The following RUFY2 variants were observed in gnomAD, a reference collection of about 807,000 sequenced individuals.
RUFY2 encodes the protein RUN and FYVE domain-containing protein 2.
RUFY2 carries 49 observed loss-of-function variants against 94.4 expected under a neutral mutation model. The observed-to-expected ratio is 0.52, with a 90% CI of 0.41 to 0.66. The LOEUF (loss-of-function observed/expected upper bound fraction) is 0.66. Ranked by LOEUF, RUFY2 falls within the 30% of genes least tolerant of loss-of-function variation. RUFY2 has a pLI of 0.00. For synonymous variants in RUFY2, 255 were observed against 235.7 expected (o/e 1.08, Z -0.75); for missense variants, 541 against 692.8 (o/e 0.78, Z 2.46).
chr10:68,349,319 C>T (rs2046494052), intron 16 of RUFY2, among the ~76,000 whole-genome samples: 1 of 151,906 alleles, frequency 6.6e-6, no homozygotes, highest in African/African-American at 2.4e-5. Flanking sequence ...AGTTTGAGAC[C>T]AGCCTGGGCA....
chr10:68,404,072 A>C (rs1452466940), intron 2 of RUFY2, among the ~76,000 whole-genome samples: 1 of 152,194 alleles, frequency 6.6e-6, no homozygotes, highest in African/African-American at 2.4e-5. Context: ...AGAGGCCAAA[A>C]CTGTGAACAG....
downstream of RUFY2, chr10:68,342,314 A>C (rs2046014817): frequency 2.9e-6 from 1 of 350,620 alleles, no homozygotes; most frequent in Admixed American, 4.3e-5. Context: ...ACTCCTAAAG[A>C]TGTGCTGCCT....
chr10:68,396,341 C>G (rs1401716864), intron 4 of RUFY2, among the ~76,000 whole-genome samples: 1 of 149,130 alleles, frequency 6.7e-6, no homozygotes, highest in East Asian at 2.0e-4. Flanking sequence ...ACAGGTGAAG[C>G]AATAATATGG....
intron 12 of RUFY2, chr10:68,377,824 G>A (rs773758978): frequency 2.3e-5 from 23 of 985,022 alleles, no homozygotes; most frequent in Non-Finnish European, 2.3e-5. Flanking sequence ...GAGAAATTTC[G>A]GTTCAACTAA....
At chr10:68,363,727 A>C (rs2047618481) in intron 14 of RUFY2, 43 bp from the exon 15 acceptor site, 1 of 1,253,064 alleles carries the variant, frequency 8.0e-7, no homozygotes, top group Non-Finnish European at 1.1e-6. Context: ...TAAAAGAAAG[A>C]AACAAGAAAC....
chr10:68,392,523 T>C (rs943892815), intron 7 of RUFY2, among the ~76,000 whole-genome samples: 4 of 152,162 alleles, frequency 2.6e-5, no homozygotes, highest in Non-Finnish European at 4.4e-5. Flanking sequence ...AAAATGAATT[T>C]CTGAACCATC....
chr10:68,342,731 AC>A (rs766928453), downstream of RUFY2: 1 of 152,622 alleles, frequency 6.6e-6, no homozygotes, highest in Non-Finnish European at 1.5e-5. Flanking sequence ...TGACCGAAAT[AC>A]CAAAAATGTC....
At chr10:68,372,907 CAA>C (rs556331420) in intron 13 of RUFY2, among the ~76,000 whole-genome samples, 8 of 131,676 alleles carry the variant, frequency 6.1e-5, no homozygotes, top group East Asian at 2.2e-4. Flanking sequence ...GACCCTGTAT[CAA>C]AAAAAAAAAA....
At position 68,376,489 on chromosome 10, in the gene RUFY2, T is replaced by TATATACATATATATATTC. The variant is rs58358117; in HGVS notation, c.1325+363_1325+364insGAATATATATATGTATAT. Among the ~76,000 whole-genome samples, 5 of 51,814 alleles carry TATATACATATATATATTC rather than the reference T, an allele frequency of 9.6e-5. No homozygotes were observed. The Admixed American group carries it at 1.1e-3, about 12-fold the overall frequency. The allele number at this position is 51,814 out of a possible 152,430, so 34.0% of individuals were successfully genotyped here. On this transcript the variant is annotated intron_variant, in intron 13 of 17. Transcript: ENST00000602465. ...ATATATATATATATATATATATATA[T>TATATACATATATATATTC]ATTCTCAGAAAACAGCATGTCCTTT...
At chr10:68,366,350 AG>A (rs2047815801) in intron 13 of RUFY2, among the ~76,000 whole-genome samples, 9 of 146,970 alleles carry the variant, frequency 6.1e-5, no homozygotes, top group South Asian at 2.1e-4. Context: ...AAAAAAAAAA[AG>A]AGAGAGAAAG....
At chr10:68,363,211 G>C (rs1056244635) in intron 15 of RUFY2, among the ~76,000 whole-genome samples, 1 of 151,888 alleles carries the variant, frequency 6.6e-6, no homozygotes, top group African/African-American at 2.4e-5. Flanking sequence ...CTTTTCTTCT[G>C]AGACAGAGTC....
rs182700165 is a variant in RUFY2 at position 68,348,211 on chromosome 10, C to T, written c.1600-2127G>A. Among the ~76,000 whole-genome samples the T allele has an allele frequency of 8.7e-3, 1,267 of 145,666 alleles. 16 individuals carry two copies. Among genetic ancestry groups the T allele is most frequent in the Admixed American group, 0.032 (467 of 14,390 alleles). On this transcript the variant is annotated intron_variant, in intron 16 of 17. Transcript: ENST00000602465. ...TTTTTTTTTTTTTTTTAATGCAGGA[C>T]GGGGGCCAGGTGCAGTGGCTGACAC...
chr10:68,386,119 G>C lies in RUFY2; in HGVS notation c.660C>G (p.Val220=). 1.2e-6 allele frequency: 2 copies of C among 1,610,592 alleles called. No homozygotes were observed. Among genetic ancestry groups the C allele is most frequent in the Non-Finnish European group, 1.7e-6 (2 of 1,178,758 alleles). The change falls in exon 8 of 18, where the codon GTC becomes GTG. Residue 220 remains valine, a synonymous_variant. Transcript: ENST00000602465. ...EELNRQLNST[V]SSLHSRVDSL... ...AATCAACTCTTGAATGGAGGCTGCT[G>C]ACTGTGCTGCTGAAATTAAGAAACA...
At chr10:68,388,637 C>T (rs1054598595) in intron 7 of RUFY2, among the ~76,000 whole-genome samples, 6 of 151,904 alleles carry the variant, frequency 3.9e-5, no homozygotes, top group Non-Finnish European at 7.4e-5. Flanking sequence ...GAAGTTTGAA[C>T]CAGCCTGGGC....
At chr10:68,396,496 G>C (rs917011097) in intron 4 of RUFY2, among the ~76,000 whole-genome samples, 1 of 151,998 alleles carries the variant, frequency 6.6e-6, no homozygotes, top group Admixed American at 6.6e-5. Context: ...GCAGTTTCCA[G>C]GCAGGGCAAA....
At chr10:68,407,067 G>C in intron 1 of RUFY2, 119 bp downstream of exon 1, 1 of 1,479,100 alleles carries the variant, frequency 6.8e-7, no homozygotes, top group Non-Finnish European at 8.9e-7. Context: ...CCTGGGTTCG[G>C]GCCCCAGTTC....
At chr10:68,373,070 A>T (rs1172714794) in intron 13 of RUFY2, among the ~76,000 whole-genome samples, 1 of 152,200 alleles carries the variant, frequency 6.6e-6, no homozygotes, top group Non-Finnish European at 1.5e-5. Flanking sequence ...ATGATTCTCA[A>T]TATATGTAAA....
At chr10:68,380,731 A>G (rs1300526287) in intron 11 of RUFY2, among the ~76,000 whole-genome samples, 1 of 152,008 alleles carries the variant, frequency 6.6e-6, no homozygotes, top group Non-Finnish European at 1.5e-5. Context: ...GCGTATTGGT[A>G]TATGCCCGTA....
chr10:68,355,838 C>CG (rs1254821227), intron 15 of RUFY2: 1 of 150,026 alleles, frequency 6.7e-6, no homozygotes, highest in Non-Finnish European at 1.5e-5. Context: ...GGCGTGAACC[C>CG]GGGAGGCGGA....
Sources: allele counts gnomAD v4.1 joint callset (sites outside exome capture counted in the v4.1 genomes callset), GRCh38; gene constraint gnomAD v4.1.1; transcripts MANE v1.5; gene names NCBI Gene and HGNC (gene_info 2026-07-23, HGNC 2026-07-21).